The following SEMA3C variants were observed in gnomAD, a reference collection of about 807,000 sequenced individuals.
The protein encoded by SEMA3C is semaphorin-3C.
SEMA3C carries 47 observed loss-of-function variants against 89.4 expected under a neutral mutation model. The observed-to-expected ratio is 0.53, with a 90% CI of 0.42 to 0.67. The LOEUF (loss-of-function observed/expected upper bound fraction) is 0.67. SEMA3C is among the 30% of genes least tolerant of loss of function. SEMA3C has a pLI of 0.00. For synonymous variants in SEMA3C, 310 were observed against 320.2 expected (o/e 0.97, Z 0.34); for missense variants, 839 against 929.1 (o/e 0.90, Z 1.26).
Position 80,810,635 on chromosome 7 carries a change from C to T in SEMA3C, c.514G>A (p.Val172Met), listed in dbSNP as rs529243342. ...CTGATCATAACAGACACCGTGTTCA[C>T]GTTGGGGTTGAAAGAGCAGCGTCCT... ...GKGRCSFNPN[V>M]NTVSVMINEE... Residue 172 changes from valine (V) to methionine (M), a missense_variant, in exon 6 of 18, where the codon GTG (valine) becomes ATG (methionine). Physicochemically the swap from Val to Met is conservative, Grantham distance 21 (BLOSUM62 1). Transcript: ENST00000265361. 12 of 1,613,726 alleles carry T rather than the reference C, an allele frequency of 7.4e-6. No homozygotes were observed. The highest frequency in any genetic ancestry group is 4.4e-5 in the South Asian group (4 of 91,070).
chr7:80,793,703 A>G (rs1336533130), intron 11 of SEMA3C, among the ~76,000 whole-genome samples: 2 of 151,928 alleles, frequency 1.3e-5, no homozygotes, highest in East Asian at 3.9e-4. Flanking sequence ...GATAAAACAA[A>G]ATTTAGAGTA....
chr7:80,886,065 T>C (rs1791467866), intron 2 of SEMA3C, among the ~76,000 whole-genome samples: 3 of 152,246 alleles, frequency 2.0e-5, no homozygotes, highest in East Asian at 1.9e-4. Flanking sequence ...GTCTAAAATA[T>C]ACTCACATTA....
upstream of SEMA3C, chr7:80,922,232 G>C: frequency 7.8e-7 from 1 of 1,285,200 alleles, no homozygotes; most frequent in Non-Finnish European, 1.0e-6. Context: ...TAATGTCTCA[G>C]GTTTTTCAAT....
intron 2 of SEMA3C, among the ~76,000 whole-genome samples, chr7:80,842,944 A>T (rs1469672070): frequency 6.6e-6 from 1 of 152,178 alleles, no homozygotes; most frequent in Non-Finnish European, 1.5e-5. Flanking sequence ...TATGAAAAGA[A>T]CAAAATTATA....
chr7:80,783,470 G>T (rs780262094), intron 12 of SEMA3C, among the ~76,000 whole-genome samples: 1 of 152,102 alleles, frequency 6.6e-6, no homozygotes, highest in African/African-American at 2.4e-5. Flanking sequence ...AGTGACCCAC[G>T]ATGTTATTAA....
At chr7:80,837,078 G>C (rs948357945) in intron 2 of SEMA3C, among the ~76,000 whole-genome samples, 1 of 152,140 alleles carries the variant, frequency 6.6e-6, no homozygotes, top group African/African-American at 2.4e-5. Context: ...GTTTGGGGCT[G>C]AAGCAAGTCT....
rs190796832 is a variant in SEMA3C at position 80,776,718 on chromosome 7, T to C, written c.1355-11475A>G. Among the ~76,000 whole-genome samples, 32 of 152,364 alleles carry C rather than the reference T, an allele frequency of 2.1e-4. No individual in the cohort carries two copies. The East Asian group carries it at 3.7e-3, about 17-fold the overall frequency. Reference sequence around the variant, plus strand: ...TGATGTTACTGAAGTTTTAAAAATATATTTTCTTGTTTTTGCTTTCAGCTT... The same window carrying C: ...TGATGTTACTGAAGTTTTAAAAATACATTTTCTTGTTTTTGCTTTCAGCTT... On this transcript the variant is annotated intron_variant, in intron 12 of 17. Coordinates refer to ENST00000265361, the MANE Select transcript of SEMA3C (RefSeq NM_006379.5).
At chr7:80,831,326 C>T (rs1790004627) in intron 2 of SEMA3C, among the ~76,000 whole-genome samples, 2 of 152,146 alleles carry the variant, frequency 1.3e-5, no homozygotes, top group South Asian at 4.1e-4. Context: ...ATAATAGCAT[C>T]TACCTCATTG....
chr7:80,822,071 G>A (rs1342446496), intron 4 of SEMA3C, among the ~76,000 whole-genome samples: 1 of 152,158 alleles, frequency 6.6e-6, no homozygotes, highest in African/African-American at 2.4e-5. Context: ...TACTGCAATA[G>A]TGTCAATTCC....
chr7:80,869,797 C>T (rs556421644), intron 2 of SEMA3C, among the ~76,000 whole-genome samples: 2 of 152,180 alleles, frequency 1.3e-5, no homozygotes, highest in East Asian at 3.9e-4. Flanking sequence ...ACCCTTACTC[C>T]CTCATTCCTC....
intron 4 of SEMA3C, 33 bp downstream of exon 4, chr7:80,827,392 G>GT (rs36066966): frequency 0.17 from 196,821 of 1,190,392 alleles, 3,589 homozygotes; most frequent in Non-Finnish European, 0.18. Context: ...TTAAGTTAGT[G>GT]TTTTTTTTTT....
At chr7:80,757,366 G>T (rs776901401) in intron 15 of SEMA3C, among the ~76,000 whole-genome samples, 1 of 152,076 alleles carries the variant, frequency 6.6e-6, no homozygotes, top group Non-Finnish European at 1.5e-5. Flanking sequence ...TCTACTCATG[G>T]TTCCTTCCAA....
At chr7:80,786,326 G>T (rs926865658) in intron 12 of SEMA3C, among the ~76,000 whole-genome samples, 4 of 151,574 alleles carry the variant, frequency 2.6e-5, no homozygotes, top group Admixed American at 2.6e-4. Flanking sequence ...GTTCATAATG[G>T]CTTAAAATTC....
rs528481955 is a variant in SEMA3C at position 80,743,363 on chromosome 7, AATG to A, written c.*1528_*1530del. ...GATTAATAATCATATTAATTTTGAC[AATG>A]ATTTTAGTTTTTGAAGTTTTAGACT... is the stretch of plus-strand genomic sequence containing the variant. On this transcript the variant is annotated 3_prime_UTR_variant, in exon 18 of 18. Transcript: ENST00000265361. 564 of 151,970 alleles carry A rather than the reference AATG, an allele frequency of 3.7e-3. 5 individuals are homozygous for A. Among genetic ancestry groups the A allele is most frequent in the African/African-American group, 0.013 (524 of 41,538 alleles). The allele number at this position is 151,970 out of a possible 1,614,324, so 9.4% of individuals were successfully genotyped here.
chr7:80,896,039 T>C (rs771703132), intron 2 of SEMA3C, among the ~76,000 whole-genome samples: 9 of 152,136 alleles, frequency 5.9e-5, no homozygotes, highest in Non-Finnish European at 1.3e-4. Flanking sequence ...GAGTTGTGTT[T>C]AGTTTATCTT....
At chr7:80,888,145 C>T (rs1419528774) in intron 2 of SEMA3C, among the ~76,000 whole-genome samples, 1 of 152,132 alleles carries the variant, frequency 6.6e-6, no homozygotes, top group Admixed American at 6.6e-5. Context: ...AGTGTGGTGG[C>T]TCATGCCTGT....
At chr7:80,907,091 T>C (rs1352309716) in intron 2 of SEMA3C, among the ~76,000 whole-genome samples, 1 of 152,154 alleles carries the variant, frequency 6.6e-6, no homozygotes, top group Non-Finnish European at 1.5e-5. Context: ...ATTAGATTTT[T>C]ACACAAAAGT....
Position 80,912,420 on chromosome 7 carries a change from A to G in SEMA3C, c.103+4259T>C, listed in dbSNP as rs371970532. On this transcript the variant is annotated intron_variant, in intron 2 of 17. Transcript: ENST00000265361. Reference sequence around the variant, plus strand: ...TCTTCTCATCTTCCATTGCAATTGTATTTTATAACAGTTTTTACCTTGCTG... The same window carrying G: ...TCTTCTCATCTTCCATTGCAATTGTGTTTTATAACAGTTTTTACCTTGCTG... 2.0e-5 allele frequency among the ~76,000 whole-genome samples: 3 copies of G among 152,288 alleles called. No individual in the cohort carries two copies. In the East Asian group the frequency reaches 5.8e-4, roughly 29 times the overall value.
rs141108921 is a variant in SEMA3C, at chr7:80,842,929, A to G, written c.104-14184T>C. ...TGCAAGCTTTGTTACTTCATCGACA[A>G]TGAATATGAAAAGAACAAAATTATA... On this transcript the variant is annotated intron_variant, in intron 2 of 17. Coordinates refer to ENST00000265361, the MANE Select transcript of SEMA3C (RefSeq NM_006379.5). 4.2e-3 allele frequency among the ~76,000 whole-genome samples: 646 copies of G among 152,270 alleles called. 4 individuals are homozygous for G. The highest frequency in any genetic ancestry group is 0.014 in the African/African-American group (588 of 41,552).
Sources: gnomAD v4.1 joint callset for allele counts (sites outside exome capture counted in the v4.1 genomes callset) on GRCh38, gnomAD v4.1.1 for gene constraint, MANE v1.5 for transcripts, NCBI Gene and HGNC (gene_info 2026-07-23, HGNC 2026-07-21) for gene names.